Variants in GABRB1 observed in about 807,000 individuals in gnomAD.
GABRB1 encodes gamma-aminobutyric acid receptor subunit beta-1.
In GABRB1, 17 loss-of-function variants were observed where a neutral mutation model predicts 51.6. The ratio of observed to expected loss-of-function variants is 0.33; its 90% confidence interval spans 0.23 to 0.49. The LOEUF (loss-of-function observed/expected upper bound fraction) is 0.49. Ranked by LOEUF, GABRB1 falls within the 20% of genes least tolerant of loss-of-function variation. GABRB1 has a pLI of 0.99. For missense variants in GABRB1, 410 were observed against 600.6 expected (o/e 0.68, Z 3.32); for synonymous variants, 247 against 218.9 (o/e 1.13, Z -1.14).
At chr4:47,396,246 T>A (rs1419957302) in intron 5 of GABRB1, among the ~76,000 whole-genome samples, 1 of 151,828 alleles carries the variant, frequency 6.6e-6, no homozygotes, top group African/African-American at 2.4e-5. Flanking sequence ...GGGAAATGAG[T>A]TTCCCCTTAT....
chr4:47,230,519 C>T (rs1721103773), intron 4 of GABRB1, among the ~76,000 whole-genome samples: 1 of 152,144 alleles, frequency 6.6e-6, no homozygotes, highest in African/African-American at 2.4e-5. Flanking sequence ...AATTCAGTAA[C>T]TTTGATAACA....
intron 3 of GABRB1, among the ~76,000 whole-genome samples, chr4:47,079,073 CT>C (rs1202927039): frequency 2.0e-5 from 3 of 152,084 alleles, no homozygotes; most frequent in Non-Finnish European, 4.4e-5. Context: ...CTAAAATTCT[CT>C]TTTTTTGTTG....
chr4:47,347,786 G>T (rs1386657435), intron 5 of GABRB1, among the ~76,000 whole-genome samples: 1 of 152,096 alleles, frequency 6.6e-6, no homozygotes, highest in Non-Finnish European at 1.5e-5. Context: ...TAGCCAAAAT[G>T]GTTCTAAATC....
At chr4:47,032,305 A>G in intron 2 of GABRB1, 112 bp from the exon 3 acceptor site, 2 of 986,844 alleles carry the variant, frequency 2.0e-6, no homozygotes, top group African/African-American at 1.6e-5. Flanking sequence ...TGGTGGGGGG[A>G]GCAGGGAGGG....
chr4:47,333,244 C>T (rs991922588), intron 5 of GABRB1, among the ~76,000 whole-genome samples: 5 of 128,776 alleles, frequency 3.9e-5, no homozygotes, highest in African/African-American at 1.2e-4. Flanking sequence ...ATACACACCA[C>T]GTATTAATAT....
At chr4:47,286,617 C>T in intron 4 of GABRB1, among the ~76,000 whole-genome samples, 1 of 152,034 alleles carries the variant, frequency 6.6e-6, no homozygotes, top group East Asian at 1.9e-4. Flanking sequence ...CTGTATAAAA[C>T]CTATAAGAAA....
intron 4 of GABRB1, among the ~76,000 whole-genome samples, chr4:47,291,720 A>G (rs1723741113): frequency 6.6e-6 from 1 of 152,100 alleles, no homozygotes. Flanking sequence ...GAGCTGTAAG[A>G]CTTGAGTGCC....
Position 47,328,256 on chromosome 4 carries a change from G to A in GABRB1, c.544+8047G>A, listed in dbSNP as rs572641908. 2.6e-3 allele frequency among the ~76,000 whole-genome samples: 399 copies of A among 152,186 alleles called. 2 individuals carry two copies. The highest frequency in any genetic ancestry group is 6.8e-3 in the Middle Eastern group (2 of 294). On this transcript the variant is annotated intron_variant, in intron 5 of 8. Coordinates refer to ENST00000295454, the MANE Select transcript of GABRB1 (RefSeq NM_000812.4). ...GATTTCAAAAATTTTCTCCCATTCT[G>A]TAGGTTGCCTGTTCACTCTGATGGT...
Position 47,092,014 on chromosome 4 carries a change from A to G in GABRB1, c.240+59530A>G, listed in dbSNP as rs1053734488. ...TCCCATGATCACAGACTGGGTCAGT[A>G]TCTCCCCCTAATCTTTCACAACCCC... On this transcript the variant is annotated intron_variant, in intron 3 of 8. Coordinates refer to ENST00000295454, the MANE Select transcript of GABRB1 (RefSeq NM_000812.4). 2.0e-5 allele frequency among the ~76,000 whole-genome samples: 3 copies of G among 152,144 alleles called. No homozygotes were observed. The South Asian group carries it at 6.2e-4, about 32-fold the overall frequency.
At chr4:47,123,705 A>AATATGGT (rs1553917465) in intron 3 of GABRB1, among the ~76,000 whole-genome samples, 981 of 16,356 alleles carry the variant, frequency 0.06, 32 homozygotes, top group African/African-American at 0.19. Context: ...TTATATATAT[A>AATATGGT]ATATGATATA....
intron 4 of GABRB1, among the ~76,000 whole-genome samples, chr4:47,252,016 C>T (rs1722008888): frequency 1.3e-5 from 2 of 152,068 alleles, no homozygotes; most frequent in African/African-American, 2.4e-5. Context: ...AGGCTTCTTG[C>T]CCCTTTCAAA....
intron 4 of GABRB1, among the ~76,000 whole-genome samples, chr4:47,243,528 G>A (rs770849036): frequency 6.6e-6 from 1 of 152,182 alleles, no homozygotes; most frequent in African/African-American, 2.4e-5. Context: ...AGCATGGAAT[G>A]TTCTTCCATT....
intron 5 of GABRB1, among the ~76,000 whole-genome samples, chr4:47,377,810 A>G (rs946906340): frequency 6.6e-6 from 1 of 152,190 alleles, no homozygotes; most frequent in African/African-American, 2.4e-5. Context: ...AGCTAGATAC[A>G]GAGTGTCCAT....
At chr4:47,299,944 C>T (rs1724181968) in intron 4 of GABRB1, among the ~76,000 whole-genome samples, 1 of 151,844 alleles carries the variant, frequency 6.6e-6, no homozygotes, top group African/African-American at 2.4e-5. Context: ...TTTGTAGGGA[C>T]ATGGATGAAA....
chr4:47,401,857 A>G (rs1578147357), intron 5 of GABRB1, among the ~76,000 whole-genome samples: 1 of 99,752 alleles, frequency 1.0e-5, no homozygotes, highest in Admixed American at 8.9e-5. Flanking sequence ...CTATCTATCT[A>G]TCTATCTATC....
chr4:47,015,042 T>G (rs557919484), intron 1 of GABRB1, among the ~76,000 whole-genome samples: 12 of 152,130 alleles, frequency 7.9e-5, no homozygotes, highest in Non-Finnish European at 1.8e-4. Flanking sequence ...AAGTAGCTGG[T>G]ATTACAGGCA....
intron 5 of GABRB1, among the ~76,000 whole-genome samples, chr4:47,339,823 G>GCA (rs150988131): frequency 0.024 from 3,444 of 141,902 alleles, 76 homozygotes; most frequent in African/African-American, 0.058. Context: ...ATAAATAAAT[G>GCA]CACACACACA....
upstream of GABRB1, among the ~76,000 whole-genome samples, chr4:47,026,866 T>C (rs1163047279): frequency 6.6e-6 from 1 of 152,046 alleles, no homozygotes; most frequent in Non-Finnish European, 1.5e-5. Context: ...TCATAATTAA[T>C]AACGTACTAG....
At chr4:47,328,832 A>T (rs373658143) in intron 5 of GABRB1, among the ~76,000 whole-genome samples, 27 of 152,070 alleles carry the variant, frequency 1.8e-4, no homozygotes, top group African/African-American at 6.3e-4. Flanking sequence ...ACGAGTTACC[A>T]GGTGCAGCAC....
Sources: gnomAD v4.1 joint callset for allele counts (sites outside exome capture counted in the v4.1 genomes callset) on GRCh38, gnomAD v4.1.1 for gene constraint, MANE v1.5 for transcripts, NCBI Gene and HGNC (gene_info 2026-07-23, HGNC 2026-07-21) for gene names.